The following CSMD1 variants were observed in gnomAD, a reference collection of about 807,000 sequenced individuals.
CSMD1 encodes CUB and Sushi multiple domains 1.
In CSMD1, 213 loss-of-function variants were observed where a neutral mutation model predicts 417.5. That is an observed-to-expected ratio of 0.51 (90% CI 0.46 to 0.57). CSMD1 has a LOEUF of 0.57. Among genes scored for constraint, CSMD1 ranks in the 20% least tolerant of loss-of-function variants. The probability of loss-of-function intolerance (pLI) is 0.00; values close to 1 mark genes in which losing one functional copy is unlikely to be tolerated. For missense variants in CSMD1, 6,923 were observed against 4,529.7 expected (o/e 1.53, Z -15.17); for synonymous variants, 2,862 against 1,736.8 (o/e 1.65, Z -16.11).
intron 5 of CSMD1, among the ~76,000 whole-genome samples, chr8:3,849,821 G>GGTTTTTGTTTTT: frequency 6.6e-6 from 1 of 151,188 alleles, no homozygotes; most frequent in South Asian, 2.1e-4. Flanking sequence ...TTTTTTGTTT[G>GGTTTTTGTTTTT]GTTTTTGTTT....
chr8:3,699,499 C>A, intron 7 of CSMD1, among the ~76,000 whole-genome samples: 1 of 152,170 alleles, frequency 6.6e-6, no homozygotes, highest in East Asian at 1.9e-4. Flanking sequence ...CTTGGTGGCG[C>A]CTCACATGGC....
At chr8:3,000,516 TGGGTAGTAAGGAGATCGGTGAGGGG>T (rs1807306911) in intron 52 of CSMD1, among the ~76,000 whole-genome samples, 1 of 152,142 alleles carries the variant, frequency 6.6e-6, no homozygotes, top group Non-Finnish European at 1.5e-5. Context: ...CTATTGATTA[TGGGTAGTAAGGAGATCGGTGAGGGG>T]GGCTTCCAGT....
At chr8:3,932,056 G>C (rs560985433) in intron 5 of CSMD1, among the ~76,000 whole-genome samples, 2 of 150,326 alleles carry the variant, frequency 1.3e-5, no homozygotes, top group East Asian at 3.9e-4. Context: ...TCAGAGAGTA[G>C]GATTCAATAT....
chr8:3,367,816 A>C (rs1398791309), intron 19 of CSMD1, among the ~76,000 whole-genome samples: 2 of 152,186 alleles, frequency 1.3e-5, no homozygotes, highest in African/African-American at 4.8e-5. Flanking sequence ...ATTTAAGAAA[A>C]ACAGGTGAGA....
At chr8:2,950,489 T>C (rs952136546) in intron 66 of CSMD1, 146 bp from the exon 67 acceptor site, 1 of 603,722 alleles carries the variant, frequency 1.7e-6, no homozygotes, top group Admixed American at 2.9e-5. Context: ...TATTTGTGAA[T>C]TTTAGCTTAG....
At chr8:4,091,535 C>T (rs778394579) in intron 3 of CSMD1, among the ~76,000 whole-genome samples, 1 of 152,136 alleles carries the variant, frequency 6.6e-6, no homozygotes, top group Non-Finnish European at 1.5e-5. Context: ...AAAGCTGGCA[C>T]TCAGCAATGC....
chr8:3,898,388 A>T (rs1807507811), intron 5 of CSMD1, among the ~76,000 whole-genome samples: 1 of 152,240 alleles, frequency 6.6e-6, no homozygotes. Context: ...GGGGAGAAAG[A>T]AAAGTTACTA....
chr8:4,333,087 G>C (rs1799967434), intron 3 of CSMD1, among the ~76,000 whole-genome samples: 1 of 152,004 alleles, frequency 6.6e-6, no homozygotes, highest in South Asian at 2.1e-4. Context: ...ACTTTTTTCA[G>C]GATGGAATTG....
chr8:4,970,413 C>A (rs1237656304), intron 1 of CSMD1, among the ~76,000 whole-genome samples: 1 of 152,108 alleles, frequency 6.6e-6, no homozygotes, highest in Non-Finnish European at 1.5e-5. Flanking sequence ...TCTTCATCAA[C>A]TTTACAAACA....
chr8:4,832,445 T>C (rs978090288), intron 1 of CSMD1, among the ~76,000 whole-genome samples: 1 of 152,076 alleles, frequency 6.6e-6, no homozygotes, highest in Non-Finnish European at 1.5e-5. Flanking sequence ...GAAGAGGCGC[T>C]GTGGCCAGGG....
intron 12 of CSMD1, among the ~76,000 whole-genome samples, chr8:3,453,740 T>A (rs921371281): frequency 6.6e-6 from 1 of 152,188 alleles, no homozygotes; most frequent in Admixed American, 6.5e-5. Context: ...AACTATGTGG[T>A]CAATTTTGGA....
intron 2 of CSMD1, among the ~76,000 whole-genome samples, chr8:4,422,494 C>T (rs1464694547): frequency 4.6e-5 from 7 of 152,010 alleles, no homozygotes; most frequent in Admixed American, 2.6e-4. Flanking sequence ...TTCCTTTCTC[C>T]CTGGACACAT....
chr8:3,678,160 AC>A (rs763346222), intron 7 of CSMD1, among the ~76,000 whole-genome samples: 2 of 152,182 alleles, frequency 1.3e-5, no homozygotes, highest in Non-Finnish European at 2.9e-5. Context: ...GCAGCTCCTC[AC>A]CAGCAACAGA....
chr8:3,757,959 A>C (rs1797757023), intron 5 of CSMD1, among the ~76,000 whole-genome samples: 1 of 152,070 alleles, frequency 6.6e-6, no homozygotes, highest in Non-Finnish European at 1.5e-5. Context: ...AAAATGCGTA[A>C]GTCCTGCACA....
At chr8:3,828,889 T>TG (rs1343538323) in intron 5 of CSMD1, among the ~76,000 whole-genome samples, 1 of 152,146 alleles carries the variant, frequency 6.6e-6, no homozygotes, top group Non-Finnish European at 1.5e-5. Context: ...ACCAACCCCA[T>TG]GTTCACTGTA....
intron 3 of CSMD1, among the ~76,000 whole-genome samples, chr8:4,281,591 A>T (rs2128859968): frequency 6.6e-6 from 1 of 152,284 alleles, no homozygotes; most frequent in Middle Eastern, 3.4e-3. Flanking sequence ...TTTTGAATCT[A>T]AGAAGTATGT....
At chr8:4,325,031 G>A (rs1799479387) in intron 3 of CSMD1, among the ~76,000 whole-genome samples, 1 of 152,128 alleles carries the variant, frequency 6.6e-6, no homozygotes, top group African/African-American at 2.4e-5. Context: ...GTGCTGCACT[G>A]TGGCTCCTTA....
chr8:3,968,495 T>C, intron 5 of CSMD1, among the ~76,000 whole-genome samples: 1 of 152,114 alleles, frequency 6.6e-6, no homozygotes, highest in East Asian at 1.9e-4. Flanking sequence ...TCTTCCGGAT[T>C]CAAAATACTT....
rs199993709 is a variant in CSMD1, at chr8:4,859,725, A to G, written c.85+134607T>C. Reference sequence around the variant, plus strand: ...CCACAATGAGATACCATCTCACACCAGTTAGAATGGCAATCATTAAAAAGT... The same window carrying G: ...CCACAATGAGATACCATCTCACACCGGTTAGAATGGCAATCATTAAAAAGT... On this transcript the variant is annotated intron_variant, in intron 1 of 69. Transcript: ENST00000635120. Among the ~76,000 whole-genome samples, 482 of 152,136 alleles carry G rather than the reference A, an allele frequency of 3.2e-3. 4 individuals carry two copies. Among genetic ancestry groups the G allele is most frequent in the East Asian group, 0.019 (100 of 5,174 alleles).
Sources: gnomAD v4.1 joint callset for allele counts (sites outside exome capture counted in the v4.1 genomes callset) on GRCh38, gnomAD v4.1.1 for gene constraint, MANE v1.5 for transcripts, NCBI Gene and HGNC (gene_info 2026-07-23, HGNC 2026-07-21) for gene names.